The following LRRC7 variants were observed in gnomAD, a reference collection of about 807,000 sequenced individuals.
LRRC7 encodes leucine rich repeat containing 7.
In LRRC7, 23 loss-of-function variants were observed where a neutral mutation model predicts 175.7. That is an observed-to-expected ratio of 0.13 (90% CI 0.09 to 0.19). LRRC7 has a LOEUF of 0.19. Among genes scored for constraint, LRRC7 ranks in the 10% least tolerant of loss-of-function variants. The pLI is 1.00. For missense variants in LRRC7, 1,354 were observed against 1,904.7 expected, an observed-to-expected ratio of 0.71 and a Z score of 5.38; for synonymous variants, 685 against 680.9, an observed-to-expected ratio of 1.01 and a Z score of -0.09.
At chr1:70,103,828 T>A (rs1167831867) in intron 25 of LRRC7, among the ~76,000 whole-genome samples, 3 of 152,222 alleles carry the variant, frequency 2.0e-5, no homozygotes, top group South Asian at 2.1e-4. Flanking sequence ...TTGCTGCTAC[T>A]TTTATCTCCT....
chr1:69,867,723 G>A (rs1026794070), intron 7 of LRRC7, among the ~76,000 whole-genome samples: 8 of 152,128 alleles, frequency 5.3e-5, no homozygotes, highest in African/African-American at 1.9e-4. Flanking sequence ...AGTTTGAATT[G>A]AGAAAGGTTG....
At chr1:69,649,020 A>AT (rs1250717766) in intron 1 of LRRC7, among the ~76,000 whole-genome samples, 2 of 152,210 alleles carry the variant, frequency 1.3e-5, no homozygotes, top group Non-Finnish European at 2.9e-5. Context: ...AGAATTAAAG[A>AT]TTTTTTAAAG....
At chr1:69,948,281 A>C (rs979719647) in intron 8 of LRRC7, among the ~76,000 whole-genome samples, 24 of 152,138 alleles carry the variant, frequency 1.6e-4, no homozygotes, top group Admixed American at 1.4e-3. Flanking sequence ...GTATTTGTTG[A>C]TATGTTTACC....
At position 70,135,575 on chromosome 1, in the gene LRRC7, A is replaced by C. The variant is rs1335989772; in HGVS notation, c.*13688A>C. 6.6e-6 allele frequency among the ~76,000 whole-genome samples: 1 copy of C among 152,160 alleles called. No individual in the cohort carries two copies. The highest frequency in any genetic ancestry group is 1.5e-5 in the Non-Finnish European group (1 of 68,032). ...GCACTCCTCCCCAACCCCGACTCCAAGGGTGCTGCTTGTCCAACTGTGTCA... is the reference window on the plus strand; with the variant it reads ...GCACTCCTCCCCAACCCCGACTCCACGGGTGCTGCTTGTCCAACTGTGTCA... On this transcript the variant is annotated 3_prime_UTR_variant, in exon 27 of 27. Transcript: ENST00000651989.
chr1:69,665,335 G>A (rs1183896850), intron 1 of LRRC7, among the ~76,000 whole-genome samples: 1 of 151,888 alleles, frequency 6.6e-6, no homozygotes, highest in Non-Finnish European at 1.5e-5. Context: ...TTCTATTTCT[G>A]TGAAGAATGT....
In LRRC7 at chr1:70,136,234, T is replaced by C. The variant is rs1666867580; in HGVS notation, c.*14347T>C. 6.6e-6 allele frequency among the ~76,000 whole-genome samples: 1 copy of C among 151,974 alleles called. No individual in the cohort carries two copies. The highest frequency in any genetic ancestry group is 1.5e-5 in the Non-Finnish European group (1 of 67,986). On this transcript the variant is annotated 3_prime_UTR_variant, in exon 27 of 27. Coordinates refer to ENST00000651989, the MANE Select transcript of LRRC7 (RefSeq NM_001370785.2). ...AGTGAAGGGACTATATTTTCTTCTT[T>C]TGCTTGGTCTTGCCATAAATATGCC...
chr1:69,936,728 C>G (rs915205815), intron 8 of LRRC7, among the ~76,000 whole-genome samples: 1 of 152,074 alleles, frequency 6.6e-6, no homozygotes, highest in Admixed American at 6.6e-5. Flanking sequence ...CTACCCTCCA[C>G]CTTCAGGTAG....
rs1666757864 is a variant in LRRC7, at chr1:70,133,484, G to C, written c.*11597G>C. Among the ~76,000 whole-genome samples, 1 of 152,158 alleles carries C rather than the reference G, an allele frequency of 6.6e-6. No individual in the cohort carries two copies. The highest frequency in any genetic ancestry group is 1.5e-5 in the Non-Finnish European group (1 of 68,030). On this transcript the variant is annotated 3_prime_UTR_variant, in exon 27 of 27. Transcript: ENST00000651989. ...GATCCGACCGCCTCGGCCTCCCAAA[G>C]TGCTGGGATGGCCTTACACAGTCTG... is the stretch of plus-strand genomic sequence containing the variant.
At chr1:69,640,922 A>G (rs1654109919) in intron 1 of LRRC7, among the ~76,000 whole-genome samples, 1 of 151,680 alleles carries the variant, frequency 6.6e-6, no homozygotes, top group African/African-American at 2.4e-5. Context: ...CACAATTAAG[A>G]TATTTATTAG....
At chr1:70,023,849 G>C (rs1216179187) in intron 17 of LRRC7, among the ~76,000 whole-genome samples, 1 of 152,084 alleles carries the variant, frequency 6.6e-6, no homozygotes, top group Non-Finnish European at 1.5e-5. Flanking sequence ...CACAAAGATA[G>C]ACATCTGTTG....
chr1:69,810,532 G>T (rs989208956), intron 4 of LRRC7, among the ~76,000 whole-genome samples: 6 of 151,996 alleles, frequency 3.9e-5, no homozygotes, highest in African/African-American at 1.4e-4. Flanking sequence ...ATACTACAAG[G>T]CCACAGCAAC....
In LRRC7 at chr1:70,141,128, G is replaced by C. The variant is rs1418703415; in HGVS notation, c.*19241G>C. Among the ~76,000 whole-genome samples, 1 of 152,068 alleles carries C rather than the reference G, an allele frequency of 6.6e-6. No individual in the cohort carries two copies. Among genetic ancestry groups the C allele is most frequent in the Non-Finnish European group, 1.5e-5 (1 of 67,976 alleles). On this transcript the variant is annotated 3_prime_UTR_variant, in exon 27 of 27. Transcript: ENST00000651989. ...AGTTCTAAGCTCATAAAGAGGAAGA[G>C]ATAACAAAAGATGTAGATAAGAGGA...
chr1:70,025,149 A>G (rs1281619573), intron 17 of LRRC7, among the ~76,000 whole-genome samples: 2 of 151,888 alleles, frequency 1.3e-5, no homozygotes, highest in African/African-American at 4.8e-5. Flanking sequence ...TCTGAGCCAC[A>G]CTTTTCTTTC....
chr1:69,766,496 C>G (rs1557699906), intron 3 of LRRC7, among the ~76,000 whole-genome samples: 1 of 152,112 alleles, frequency 6.6e-6, no homozygotes, highest in East Asian at 1.9e-4. Context: ...CCATAAAACA[C>G]TCAGAGTGGA....
chr1:69,754,136 G>A (rs985546174), intron 2 of LRRC7, among the ~76,000 whole-genome samples: 3 of 152,048 alleles, frequency 2.0e-5, no homozygotes, highest in Admixed American at 2.0e-4. Flanking sequence ...TATCGTACTT[G>A]GTAGGTCATA....
chr1:69,845,659 T>G (rs907353401), intron 7 of LRRC7, among the ~76,000 whole-genome samples: 1 of 152,118 alleles, frequency 6.6e-6, no homozygotes, highest in African/African-American at 2.4e-5. Context: ...ATTTCAGTGT[T>G]CTATTAATGA....
chr1:70,012,042 G>A (rs1656560673), intron 12 of LRRC7, 116 bp downstream of exon 12: 2 of 593,856 alleles, frequency 3.4e-6, no homozygotes, highest in Admixed American at 6.6e-5. Flanking sequence ...ATATATATAG[G>A]AATTATCTAC....
At chr1:69,717,762 AAAAGAAAAAAAGAAAG>A (rs1665552728) in intron 2 of LRRC7, among the ~76,000 whole-genome samples, 1 of 40,836 alleles carries the variant, frequency 2.4e-5, no homozygotes, top group Non-Finnish European at 4.6e-5. Context: ...GAACATGAAA[AAAAGAAAAAAAGAAAG>A]AAAGAAAGAA....
At chr1:69,570,301 C>T (rs1410574639) in intron 1 of LRRC7, among the ~76,000 whole-genome samples, 2 of 150,984 alleles carry the variant, frequency 1.3e-5, no homozygotes, top group African/African-American at 2.4e-5. Flanking sequence ...CTTAAGTCCT[C>T]CTATAGAAGG....
Sources: allele counts gnomAD v4.1 joint callset (sites outside exome capture counted in the v4.1 genomes callset), GRCh38; gene constraint gnomAD v4.1.1; transcripts MANE v1.5; gene names NCBI Gene and HGNC (gene_info 2026-07-23, HGNC 2026-07-21).